Variants in PKD1L3 observed in about 807,000 individuals in gnomAD.
PKD1L3 encodes polycystin 1 like 3, transient receptor potential channel interacting, also known as polycystin-1-like protein 3.
Under a neutral mutation model 184.1 loss-of-function variants are expected in PKD1L3, and 239 were observed. That is an observed-to-expected ratio of 1.30 (90% CI 1.17 to 1.45). The LOEUF (loss-of-function observed/expected upper bound fraction) is 1.45, where lower values mean the gene tolerates loss of function less well. Ranked by LOEUF, PKD1L3 falls within the 40% of genes most tolerant of loss-of-function variation. The pLI is 0.00. For missense variants in PKD1L3, 2,660 were observed against 2,067.2 expected (o/e 1.29, Z -5.56); for synonymous variants, 996 against 778.8 (o/e 1.28, Z -4.64).
At chr16:71,964,855 T>TC (rs938821582) in intron 15 of PKD1L3, among the ~76,000 whole-genome samples, 3 of 150,962 alleles carry the variant, frequency 2.0e-5, no homozygotes, top group Non-Finnish European at 4.4e-5. Context: ...ATGTATTTTT[T>TC]TTTTTTTTTG....
intron 25 of PKD1L3, among the ~76,000 whole-genome samples, chr16:71,935,936 C>T (rs2038159900): frequency 6.6e-6 from 1 of 152,060 alleles, no homozygotes; most frequent in African/African-American, 2.4e-5. Context: ...GCAGGGACCA[C>T]GAGCACATGC....
chr16:71,957,998 G>A (rs1005436648), intron 16 of PKD1L3, among the ~76,000 whole-genome samples: 1 of 152,200 alleles, frequency 6.6e-6, no homozygotes, highest in Non-Finnish European at 1.5e-5. Context: ...TGCTCCACAG[G>A]CAGAAGACAA....
chr16:71,978,116 A>C (rs2143705982), intron 10 of PKD1L3, 139 bp downstream of exon 10: 2 of 1,066,158 alleles, frequency 1.9e-6, no homozygotes, highest in East Asian at 3.0e-5. Flanking sequence ...TCTCTTTGTA[A>C]AAGTTCCTAA....
chr16:71,980,263 A>G (rs1567540863), intron 7 of PKD1L3, 129 bp from the exon 8 acceptor site: 1 of 1,237,140 alleles, frequency 8.1e-7, no homozygotes, highest in Non-Finnish European at 1.1e-6. Flanking sequence ...TTCCTTAGAG[A>G]GGACCTTGGA....
At chr16:71,993,882 C>G (rs2040686912) in intron 2 of PKD1L3, among the ~76,000 whole-genome samples, 1 of 152,200 alleles carries the variant, frequency 6.6e-6, no homozygotes, top group South Asian at 2.1e-4. Flanking sequence ...TCAAGTGATT[C>G]TCCTGCCTCA....
Position 71,967,332 on chromosome 16 carries a change from A to T in PKD1L3, c.2287-17T>A. 3 of 1,541,594 alleles carry T rather than the reference A, an allele frequency of 1.9e-6. No homozygotes were observed. The highest frequency in any genetic ancestry group is 1.7e-6 in the Non-Finnish European group (2 of 1,143,056). ...GATGACAACCTACAATGAGACAGGGAAAGATAAAATATAAGGAATTTTAAC... is the reference window on the plus strand; with the variant it reads ...GATGACAACCTACAATGAGACAGGGTAAGATAAAATATAAGGAATTTTAAC... On this transcript the variant is annotated splice_polypyrimidine_tract_variant and intron_variant, in intron 14 of 29. Transcript: ENST00000620267.
chr16:71,993,413 T>A, intron 2 of PKD1L3, 81 bp from the exon 3 acceptor site: 2 of 851,570 alleles, frequency 2.3e-6, no homozygotes, highest in African/African-American at 1.8e-5. Context: ...TACATGCACG[T>A]ATGTGATAAT....
chr16:71,930,207 G>C, intron 28 of PKD1L3, 24 bp from the exon 29 acceptor site: 1 of 1,524,534 alleles, frequency 6.6e-7, no homozygotes, highest in Non-Finnish European at 8.8e-7. Flanking sequence ...AAGAACACTT[G>C]CAGTGACTGA....
intron 2 of PKD1L3, among the ~76,000 whole-genome samples, chr16:71,996,084 T>G (rs1158779221): frequency 6.6e-6 from 1 of 152,174 alleles, no homozygotes; most frequent in East Asian, 1.9e-4. Flanking sequence ...TTTGAGATAA[T>G]TGTATATTCA....
rs780941264 is a variant in PKD1L3 at position 71,978,298 on chromosome 16, T to A, written c.1484A>T (p.Asn495Ile). The A allele has an allele frequency of 6.4e-7, 1 of 1,550,520 alleles. No individual in the cohort carries two copies. Among genetic ancestry groups the A allele is most frequent in the East Asian group, 2.4e-5 (1 of 40,838 alleles). Reference sequence around the variant, plus strand: ...ATCATGGACTTGGAGCAATTTACGATTAGCGCTTAGTAACACACTTCCAAT... The same window carrying A: ...ATCATGGACTTGGAGCAATTTACGAATAGCGCTTAGTAACACACTTCCAAT... Reference protein sequence around the residue: ...GSIGSVLLSANRKLLQVHDLM... With the variant: ...GSIGSVLLSAIRKLLQVHDLM... The change falls in exon 10 of 30, where the codon AAT becomes ATT. Residue 495 changes from asparagine (N) to isoleucine (I), a missense_variant. Transcript: ENST00000620267.
intron 24 of PKD1L3, among the ~76,000 whole-genome samples, chr16:71,937,756 C>T (rs1018751190): frequency 6.6e-6 from 1 of 152,108 alleles, no homozygotes; most frequent in African/African-American, 2.4e-5. Flanking sequence ...AGCACTGATA[C>T]CCCACGAGTA....
At chr16:71,965,572 T>C (rs1223903009) in intron 15 of PKD1L3, among the ~76,000 whole-genome samples, 1 of 151,696 alleles carries the variant, frequency 6.6e-6, no homozygotes, top group Non-Finnish European at 1.5e-5. Flanking sequence ...TTTTTTTTTT[T>C]TGGAGATGGT....
Position 71,934,449 on chromosome 16 carries a change from A to G in PKD1L3, c.4614-324T>C, listed in dbSNP as rs575745662. On this transcript the variant is annotated intron_variant, in intron 26 of 29. Transcript: ENST00000620267. ...CCAGCCTCCTGCACTGCTCTGAGCC[A>G]AATCTCTCCTCTCAAAAGGAGATTA... is the stretch of plus-strand genomic sequence containing the variant. Among the ~76,000 whole-genome samples, 10 of 152,312 alleles carry G rather than the reference A, an allele frequency of 6.6e-5. No individual in the cohort carries two copies. In the South Asian group the frequency reaches 2.1e-3, roughly 32 times the overall value.
chr16:71,960,837 T>G (rs1034846032), intron 16 of PKD1L3, among the ~76,000 whole-genome samples: 16 of 152,156 alleles, frequency 1.1e-4, no homozygotes, highest in Admixed American at 5.9e-4. Flanking sequence ...GTGGGAGGAC[T>G]GCTTGAGCCT....
At chr16:71,930,305 G>C (rs1156804903) in intron 28 of PKD1L3, 122 bp from the exon 29 acceptor site, 10 of 1,013,408 alleles carry the variant, frequency 9.9e-6, no homozygotes, top group Middle Eastern at 2.4e-4. Flanking sequence ...GAAACTTAGG[G>C]AGAGAGTCAA....
intron 9 of PKD1L3, among the ~76,000 whole-genome samples, chr16:71,979,201 C>T (rs1972660): frequency 0.76 from 115,774 of 152,012 alleles, 44,328 homozygotes; most frequent in South Asian, 0.86. Flanking sequence ...CCCAGCACTA[C>T]GGGAGGCTCA....
intron 12 of PKD1L3, among the ~76,000 whole-genome samples, chr16:71,971,873 G>T (rs1416918501): frequency 6.6e-6 from 1 of 152,124 alleles, no homozygotes; most frequent in Non-Finnish European, 1.5e-5. Context: ...CTGAGGTCGG[G>T]AGTTTGAGAC....
At chr16:71,982,915 A>T (rs1369004107) in intron 6 of PKD1L3, among the ~76,000 whole-genome samples, 2 of 152,116 alleles carry the variant, frequency 1.3e-5, no homozygotes, top group Non-Finnish European at 2.9e-5. Flanking sequence ...CAATTTGCAT[A>T]CTTCTTATTA....
intron 18 of PKD1L3, among the ~76,000 whole-genome samples, chr16:71,952,195 ATTTTTTTTTTTT>A (rs34849069): frequency 3.3e-4 from 17 of 50,824 alleles, no homozygotes; most frequent in African/African-American, 5.3e-4. Flanking sequence ...GGAGCATGTC[ATTTTTTTTTTTT>A]TTTTTTTTTT....
Sources: gnomAD v4.1 joint callset for allele counts (sites outside exome capture counted in the v4.1 genomes callset) on GRCh38, gnomAD v4.1.1 for gene constraint, MANE v1.5 for transcripts, NCBI Gene and HGNC (gene_info 2026-07-23, HGNC 2026-07-21) for gene names.